The following MPRIP variants were observed in gnomAD, a reference collection of about 807,000 sequenced individuals.
The protein encoded by MPRIP is myosin phosphatase Rho-interacting protein.
Under a neutral mutation model 234.9 loss-of-function variants are expected in MPRIP, and 59 were observed. That is an observed-to-expected ratio of 0.25 (90% CI 0.20 to 0.31). MPRIP has a LOEUF of 0.31. MPRIP is among the 10% of genes least tolerant of loss of function. MPRIP has a pLI of 1.00. For synonymous variants in MPRIP, 1,144 were observed against 1,263.9 expected, an observed-to-expected ratio of 0.91 and a Z score of 2.01; for missense variants, 2,436 against 3,071.0, an observed-to-expected ratio of 0.79 and a Z score of 4.89.
At chr17:17,130,678 C>T (rs2090580040) in intron 4 of MPRIP, among the ~76,000 whole-genome samples, 1 of 152,128 alleles carries the variant, frequency 6.6e-6, no homozygotes, top group African/African-American at 2.4e-5. Context: ...GCTCCTTCCA[C>T]TCTGGAGAGG....
Position 17,166,364 on chromosome 17 carries a change from C to T in MPRIP, c.4773C>T (p.Ser1591=), listed in dbSNP as rs917726893. 6.9e-6 allele frequency: 9 copies of T among 1,304,474 alleles called. No individual in the cohort carries two copies. The East Asian group carries it at 2.8e-4, about 40-fold the overall frequency. The allele number at this position is 1,304,474 out of a possible 1,614,324, so 80.8% of individuals were successfully genotyped here. A position where few individuals can be genotyped will look rare whatever the true frequency, so the allele number is the denominator to read the frequency against. Residue 1591 remains serine (S), a synonymous_variant, in exon 16 of 24, where the codon TCC becomes TCT. Transcript: ENST00000651222. This position sits in a 1 kb window ranked among gnomAD's most constrained non-coding sequence, Gnocchi z 4.4. ...TGAAGAACACAACATCAGATGTCTC[C>T]CGAATGCTCCATGAGATTTCTTGGT... The part of the protein sequence containing the change: ...DSLKNTTSDV[S]RMLHEISWSG...
chr17:17,165,973 A>T lies in MPRIP; in HGVS notation c.4382A>T (p.His1461Leu), dbSNP rs1269865957. The change falls in exon 16 of 24, where the codon CAT becomes CTT. Residue 1461 changes from histidine to leucine, a missense_variant. Physicochemically the swap from His to Leu is moderately conservative, Grantham distance 99 (BLOSUM62 -3). Around this residue, in one of 4 missense-constraint regions of MPRIP, gnomAD observed 1,998 missense variants for 2,520.3 expected, o/e 0.79. Coordinates refer to ENST00000651222, the MANE Select transcript of MPRIP (RefSeq NM_001364716.4). ...RQERARRVEG[H>L]VGELGDFQVK... The stretch of plus-strand genomic sequence containing the variant: ...GAGAGGGCCAGGAGGGTTGAAGGGC[A>T]TGTTGGAGAGCTTGGGGACTTCCAG... 1 of 1,304,320 alleles carries T rather than the reference A, an allele frequency of 7.7e-7. No individual in the cohort carries two copies. Among genetic ancestry groups the T allele is most frequent in the East Asian group, 5.6e-5 (1 of 18,016 alleles). The allele number at this position is 1,304,320 out of a possible 1,614,324, so 80.8% of individuals were successfully genotyped here. A position where few individuals can be genotyped will look rare whatever the true frequency, so the allele number is the denominator to read the frequency against.
At position 17,166,171 on chromosome 17, in the gene MPRIP, A is replaced by G. The variant is rs1353824882; in HGVS notation, c.4580A>G (p.His1527Arg). 7.7e-7 allele frequency: 1 copy of G among 1,302,838 alleles called. No homozygotes were observed. Among genetic ancestry groups the G allele is most frequent in the Non-Finnish European group, 1.0e-6 (1 of 988,268 alleles). 80.7% of individuals were successfully genotyped at this position (1,302,838 alleles called of 1,614,324 possible). A position where few individuals can be genotyped will look rare whatever the true frequency, so the allele number is the denominator to read the frequency against. The change falls in exon 16 of 24, where the codon CAT becomes CGT. Residue 1527 changes from histidine to arginine, a missense_variant. This residue lies in a region of MPRIP where 1,998 missense variants were observed against 2,520.3 expected (regional missense o/e 0.79). Transcript: ENST00000651222. This position sits in a 1 kb window ranked among gnomAD's most constrained non-coding sequence, Gnocchi z 4.4. Reference sequence around the variant, plus strand: ...CTGCAGCACTGGCCGGCCCCAGCCCATGGCGGGGCCCGTGCACAGCTGGAG... The same window carrying G: ...CTGCAGCACTGGCCGGCCCCAGCCCGTGGCGGGGCCCGTGCACAGCTGGAG... Reference protein sequence around the residue: ...QALQHWPAPAHGGARAQLETG... With the variant: ...QALQHWPAPARGGARAQLETG...
At chr17:17,090,867 C>T (rs941915618) in intron 3 of MPRIP, among the ~76,000 whole-genome samples, 1 of 152,170 alleles carries the variant, frequency 6.6e-6, no homozygotes, top group African/African-American at 2.4e-5. Flanking sequence ...GGGGCCCAGA[C>T]ACGCCCTAGC....
chr17:17,171,147 C>T (rs919456230), intron 16 of MPRIP: 1 of 152,460 alleles, frequency 6.6e-6, no homozygotes, highest in African/African-American at 2.4e-5. Flanking sequence ...AGTCCCAACC[C>T]CCAGCTCCCA....
intron 8 of MPRIP, 110 bp from the exon 9 acceptor site, chr17:17,143,446 G>A (rs552649392): frequency 6.3e-6 from 4 of 632,466 alleles, no homozygotes; most frequent in Admixed American, 4.0e-5. Context: ...ACTGCCCCTC[G>A]CCAGGAGCAA....
rs950645736 is a variant in MPRIP at position 17,164,249 on chromosome 17, G to A, written c.2658G>A (p.Gly886=). Residue 886 remains glycine (G), a synonymous_variant, in exon 16 of 24, where the codon GGG becomes GGA. Coordinates refer to ENST00000651222, the MANE Select transcript of MPRIP (RefSeq NM_001364716.4). ...HQIQTLKRSY[G]EAKDTIRHHE... ...TTCAGACCCTGAAGCGTAGCTATGG[G>A]GAGGCCAAGGACACGATCCGGCACC... 2.5e-5 allele frequency: 33 copies of A among 1,304,216 alleles called. No individual in the cohort carries two copies. In the African/African-American group the frequency reaches 4.9e-4, roughly 19 times the overall value. 80.8% of individuals were successfully genotyped at this position (1,304,216 alleles called of 1,614,324 possible).
intron 1 of MPRIP, among the ~76,000 whole-genome samples, chr17:17,043,564 C>T (rs1597701534): frequency 6.6e-6 from 1 of 152,122 alleles, no homozygotes; most frequent in African/African-American, 2.4e-5. Flanking sequence ...CCTGTGGGTC[C>T]TCGGGAAAGT....
At chr17:17,072,446 T>G (rs2089218931) in intron 1 of MPRIP, among the ~76,000 whole-genome samples, 1 of 152,090 alleles carries the variant, frequency 6.6e-6, no homozygotes. Flanking sequence ...GCGAAGGTTC[T>G]GGGGTGGGGG....
At chr17:17,059,740 G>A (rs1297262191) in intron 1 of MPRIP, among the ~76,000 whole-genome samples, 1 of 152,212 alleles carries the variant, frequency 6.6e-6, no homozygotes, top group Non-Finnish European at 1.5e-5. Flanking sequence ...GCAGAGGCTG[G>A]TAGACATCAG....
At position 17,164,232 on chromosome 17, in the gene MPRIP, C is replaced by T. The variant is rs765694179; in HGVS notation, c.2641C>T (p.Leu881=). The change falls in exon 16 of 24, where the codon CTG becomes TTG. Residue 881 remains leucine, a synonymous_variant. Transcript: ENST00000651222. ...QELITHQIQT[L]KRSYGEAKDT... ...GCTGATTACACACCAGATTCAGACC[C>T]TGAAGCGTAGCTATGGGGAGGCCAA... The T allele has an allele frequency of 8.4e-6, 11 of 1,304,218 alleles. No homozygotes were observed. Among genetic ancestry groups the T allele is most frequent in the African/African-American group, 1.5e-5 (1 of 65,866 alleles). The allele number at this position is 1,304,218 out of a possible 1,614,324, so 80.8% of individuals were successfully genotyped here.
intron 1 of MPRIP, among the ~76,000 whole-genome samples, chr17:17,054,447 C>T (rs372831531): frequency 5.9e-5 from 9 of 152,146 alleles, no homozygotes; most frequent in African/African-American, 7.2e-5. Context: ...TCAATGTCAC[C>T]GGTAGCTGGA....
chr17:17,154,257 A>AG (rs768397844), intron 12 of MPRIP, 49 bp from the exon 13 acceptor site: 2 of 1,534,088 alleles, frequency 1.3e-6, no homozygotes. Context: ...GGAGGGCAGC[A>AG]GGCACCCTAG....
chr17:17,154,226 G>T, intron 12 of MPRIP, 80 bp from the exon 13 acceptor site: 1 of 1,223,452 alleles, frequency 8.2e-7, no homozygotes, highest in Non-Finnish European at 1.2e-6. Flanking sequence ...TTTACCCAGT[G>T]CAGGGAGCTT....
At chr17:17,132,469 T>A (rs1345129674) in intron 5 of MPRIP, among the ~76,000 whole-genome samples, 1 of 152,208 alleles carries the variant, frequency 6.6e-6, no homozygotes, top group East Asian at 1.9e-4. Flanking sequence ...CATACGCTAC[T>A]CTTCCCAAGT....
chr17:17,059,483 A>T (rs1231455224), intron 1 of MPRIP, among the ~76,000 whole-genome samples: 1 of 152,192 alleles, frequency 6.6e-6, no homozygotes, highest in East Asian at 1.9e-4. Context: ...AGTGCAGTTC[A>T]CTGTTCCAGG....
chr17:17,129,699 C>T (rs1288036573), intron 4 of MPRIP, among the ~76,000 whole-genome samples: 6 of 152,182 alleles, frequency 3.9e-5, no homozygotes, highest in Non-Finnish European at 8.8e-5. Flanking sequence ...CCTCCAGGTT[C>T]CATCCTGCAA....
intron 9 of MPRIP, among the ~76,000 whole-genome samples, chr17:17,145,563 G>A (rs2045443925): frequency 6.6e-6 from 1 of 152,188 alleles, no homozygotes; most frequent in South Asian, 2.1e-4. Flanking sequence ...GGTCTCAGCG[G>A]GGCTGCAGCT....
chr17:17,072,483 G>A (rs1273325187), intron 1 of MPRIP, among the ~76,000 whole-genome samples: 2 of 152,200 alleles, frequency 1.3e-5, no homozygotes, highest in Non-Finnish European at 2.9e-5. Context: ...TCATAGCAAT[G>A]TAATTACGTA....
Sources: gnomAD v4.1 joint callset for allele counts (sites outside exome capture counted in the v4.1 genomes callset) on GRCh38, gnomAD v4.1.1 for gene constraint, gnomAD v4.1.1 regional missense constraint, Gnocchi (gnomAD v3.1) non-coding constraint, MANE v1.5 for transcripts, NCBI Gene and HGNC (gene_info 2026-07-23, HGNC 2026-07-21) for gene names.